Variants in VANGL1 observed in about 807,000 individuals in gnomAD.
The protein encoded by VANGL1 is VANGL planar cell polarity protein 1.
In VANGL1, 18 loss-of-function variants were observed where a neutral mutation model predicts 48.4. The observed-to-expected ratio is 0.37, with a 90% CI of 0.26 to 0.55. The LOEUF (loss-of-function observed/expected upper bound fraction) is 0.55. Among genes scored for constraint, VANGL1 ranks in the 20% least tolerant of loss-of-function variants. The pLI, the probability that VANGL1 is intolerant of heterozygous loss-of-function variation, is 0.81. For synonymous variants in VANGL1, 257 were observed against 261.8 expected (o/e 0.98, Z 0.18); for missense variants, 667 against 675.8 (o/e 0.99, Z 0.14).
chr1:115,674,037 C>T (rs1017403329), intron 4 of VANGL1, among the ~76,000 whole-genome samples: 1 of 152,174 alleles, frequency 6.6e-6, no homozygotes, highest in African/African-American at 2.4e-5. Flanking sequence ...TTTGCCACTA[C>T]GGGTTTCTCC....
intron 4 of VANGL1, among the ~76,000 whole-genome samples, chr1:115,670,657 C>T (rs567013682): frequency 2.0e-5 from 3 of 152,322 alleles, no homozygotes; most frequent in East Asian, 3.9e-4. Context: ...TGAGCACCAA[C>T]GGTCTCTGAG....
chr1:115,656,246 A>G (rs1463282650), intron 2 of VANGL1, among the ~76,000 whole-genome samples: 1 of 152,216 alleles, frequency 6.6e-6, no homozygotes, highest in African/African-American at 2.4e-5. Flanking sequence ...GGTGCTGTGT[A>G]TTATAACATT....
chr1:115,666,679 C>A (rs144142436), intron 4 of VANGL1, among the ~76,000 whole-genome samples: 1 of 152,334 alleles, frequency 6.6e-6, no homozygotes, highest in East Asian at 1.9e-4. Context: ...CCAGCCTCAT[C>A]CTTTCGGCTT....
chr1:115,653,560 T>C (rs572439894), intron 2 of VANGL1, among the ~76,000 whole-genome samples: 62 of 152,276 alleles, frequency 4.1e-4, no homozygotes, highest in Non-Finnish European at 8.2e-4. Flanking sequence ...GCAGTATCCT[T>C]TGTGGGAACC....
rs749313962 is a variant in VANGL1 at position 115,692,240 on chromosome 1, C to T, written c.*861C>T. The T allele has an allele frequency of 1.3e-5, 2 of 152,748 alleles. No individual in the cohort carries two copies. The highest frequency in any genetic ancestry group is 2.9e-5 in the Non-Finnish European group (2 of 68,240). The allele number at this position is 152,748 out of a possible 1,614,324, so 9.5% of individuals were successfully genotyped here. A position where few individuals can be genotyped will look rare whatever the true frequency, so the allele number is the denominator to read the frequency against. ...GGAGAGAGGGCAGTGGGAATGCCAC[C>T]TTTAGGCTGCAGCAGGAGCCCCACA... On this transcript the variant is annotated 3_prime_UTR_variant, in exon 8 of 8. Coordinates refer to ENST00000355485, the MANE Select transcript of VANGL1 (RefSeq NM_138959.3).
Position 115,651,326 on chromosome 1 carries a change from G to C in VANGL1, c.-88G>C. 11 of 1,133,470 alleles carry C rather than the reference G, an allele frequency of 9.7e-6. No homozygotes were observed. Among genetic ancestry groups the C allele is most frequent in the Non-Finnish European group, 1.4e-5 (11 of 760,292 alleles). The allele number at this position is 1,133,470 out of a possible 1,614,324, so 70.2% of individuals were successfully genotyped here. On this transcript the variant is annotated 5_prime_UTR_variant, in exon 2 of 8. Transcript: ENST00000355485. ...TCCTCTTCTAATTTCCAGACTCCTT[G>C]AGGTTTTAGGAGTCTGGTAGGTGAA...
chr1:115,691,512 T>A lies in VANGL1; in HGVS notation c.*133T>A. The A allele has an allele frequency of 9.7e-7, 1 of 1,028,594 alleles. No individual in the cohort carries two copies. Among genetic ancestry groups the A allele is most frequent in the East Asian group, 2.6e-5 (1 of 37,984 alleles). The allele number at this position is 1,028,594 out of a possible 1,614,324, so 63.7% of individuals were successfully genotyped here. The stretch of plus-strand genomic sequence containing the variant: ...GAAACTGGCAGATGATTGACCAGTA[T>A]CCTTTGACCATCTGCACTTTATTTG... On this transcript the variant is annotated 3_prime_UTR_variant, in exon 8 of 8. Transcript: ENST00000355485.
At chr1:115,665,189 C>T (rs1222615607) in intron 4 of VANGL1, among the ~76,000 whole-genome samples, 3 of 152,196 alleles carry the variant, frequency 2.0e-5, no homozygotes, top group Non-Finnish European at 2.9e-5. Flanking sequence ...CTATGAACTC[C>T]CTGAGGCCAG....
At chr1:115,645,805 A>G (rs1651891463) in intron 1 of VANGL1, among the ~76,000 whole-genome samples, 1 of 152,232 alleles carries the variant, frequency 6.6e-6, no homozygotes, top group African/African-American at 2.4e-5. Flanking sequence ...CACAGCATAT[A>G]TAAGCATGGT....
intron 2 of VANGL1, among the ~76,000 whole-genome samples, chr1:115,656,634 C>A (rs541667096): frequency 9.2e-5 from 14 of 152,290 alleles, no homozygotes; most frequent in Admixed American, 3.9e-4. Flanking sequence ...ATAACAGATT[C>A]TTCTCTGGTT....
chr1:115,675,519 G>A (rs1188172849), intron 4 of VANGL1, among the ~76,000 whole-genome samples: 3 of 152,052 alleles, frequency 2.0e-5, no homozygotes, highest in South Asian at 4.1e-4. Flanking sequence ...ATAAAAATTG[G>A]CCAGGTTTGG....
intron 4 of VANGL1, among the ~76,000 whole-genome samples, chr1:115,681,425 G>T (rs1390288670): frequency 1.3e-5 from 2 of 151,958 alleles, no homozygotes; most frequent in African/African-American, 4.8e-5. Context: ...CTCTGCCAAA[G>T]GCCAGAGATA....
At chr1:115,663,269 G>A (rs1447812617) in intron 3 of VANGL1, among the ~76,000 whole-genome samples, 1 of 152,152 alleles carries the variant, frequency 6.6e-6, no homozygotes, top group African/African-American at 2.4e-5. Context: ...GAAGATGCAG[G>A]AGGTTTATCT....
chr1:115,651,411 G>T lies in VANGL1; in HGVS notation c.-3G>T. ...CTTCCTCAAGCGCAAGCCCTCCATT[G>T]CTATGGATACCGAATCCACTTATTC... On this transcript the variant is annotated 5_prime_UTR_variant, in exon 2 of 8. Coordinates refer to ENST00000355485, the MANE Select transcript of VANGL1 (RefSeq NM_138959.3). 6.2e-7 allele frequency: 1 copy of T among 1,613,850 alleles called. No homozygotes were observed. The highest frequency in any genetic ancestry group is 8.5e-7 in the Non-Finnish European group (1 of 1,179,946).
chr1:115,680,436 G>A (rs974207065), intron 4 of VANGL1, among the ~76,000 whole-genome samples: 3 of 152,206 alleles, frequency 2.0e-5, no homozygotes, highest in African/African-American at 7.2e-5. Flanking sequence ...GGAATGACGA[G>A]TGAACAACTG....
At chr1:115,651,646 G>A (rs752292713) in intron 2 of VANGL1, among the ~76,000 whole-genome samples, 162 bp downstream of exon 2, 5 of 152,074 alleles carry the variant, frequency 3.3e-5, no homozygotes, top group African/African-American at 4.8e-5. Flanking sequence ...GAGTAACTAC[G>A]TCACCAGTTT....
intron 2 of VANGL1, among the ~76,000 whole-genome samples, chr1:115,658,876 A>T (rs1652441236): frequency 6.6e-6 from 1 of 152,086 alleles, no homozygotes; most frequent in African/African-American, 2.4e-5. Flanking sequence ...ACCACCCAGG[A>T]AGTTCCTGTG....
chr1:115,685,360 G>C lies in VANGL1; in HGVS notation c.1147G>C (p.Ala383Pro). The C allele has an allele frequency of 6.2e-7, 1 of 1,614,166 alleles. No individual in the cohort carries two copies. The change falls in exon 7 of 8, where the codon GCC becomes CCC. Residue 383 changes from alanine (A) to proline (P), a missense_variant. By Grantham distance (27) the Ala-to-Pro change is conservative. Coordinates refer to ENST00000355485, the MANE Select transcript of VANGL1 (RefSeq NM_138959.3). ...QRLQAEEQQK[A>P]PGEVMDPREA... ...TCTCCAGGCTGAGGAGCAGCAGAAA[G>C]CCCCAGGGGAGGTGATGGACCCTAG...
intron 4 of VANGL1, among the ~76,000 whole-genome samples, chr1:115,672,102 G>A (rs554115643): frequency 2.0e-5 from 3 of 152,242 alleles, no homozygotes; most frequent in South Asian, 2.1e-4. Flanking sequence ...GGTGTCCTCC[G>A]GGCATGCTCT....
Sources: gnomAD v4.1 joint callset for allele counts (sites outside exome capture counted in the v4.1 genomes callset) on GRCh38, gnomAD v4.1.1 for gene constraint, MANE v1.5 for transcripts, NCBI Gene and HGNC (gene_info 2026-07-23, HGNC 2026-07-21) for gene names.